The following NRXN3 variants were observed in gnomAD, a reference collection of about 807,000 sequenced individuals.
The protein encoded by NRXN3 is neurexin III.
NRXN3 carries 32 observed loss-of-function variants against 137.6 expected under a neutral mutation model. The ratio of observed to expected loss-of-function variants is 0.23; its 90% CI spans 0.18 to 0.31. NRXN3 has a LOEUF of 0.31. NRXN3 is among the 10% of genes least tolerant of loss of function. The probability of loss-of-function intolerance (pLI) is 1.00; values close to 1 mark genes in which losing one functional copy is unlikely to be tolerated. For synonymous variants in NRXN3, 798 were observed against 784.5 expected (o/e 1.02, Z -0.29); for missense variants, 1,574 against 2,062.5 (o/e 0.76, Z 4.59).
chr14:79,209,459 G>A (rs2153224583), intron 15 of NRXN3, among the ~76,000 whole-genome samples: 1 of 152,246 alleles, frequency 6.6e-6, no homozygotes, highest in East Asian at 1.9e-4. Context: ...TAAATTCTGA[G>A]TCATAAGTAA....
At chr14:79,180,956 A>G (rs1379108190) in intron 15 of NRXN3, among the ~76,000 whole-genome samples, 1 of 152,034 alleles carries the variant, frequency 6.6e-6, no homozygotes. Context: ...TCAGTCCAAA[A>G]AAGATAGAAA....
intron 10 of NRXN3, among the ~76,000 whole-genome samples, chr14:78,939,910 A>G (rs2099349744): frequency 1.3e-5 from 2 of 152,210 alleles, no homozygotes. Flanking sequence ...GCTTTAATCC[A>G]TTCTATAAGT....
intron 4 of NRXN3, among the ~76,000 whole-genome samples, chr14:78,449,954 A>G (rs898036610): frequency 6.6e-6 from 1 of 152,190 alleles, no homozygotes; most frequent in African/African-American, 2.4e-5. Context: ...ACCATTGGCT[A>G]TCTGTCTACC....
chr14:79,444,928 C>T (rs571892277), intron 15 of NRXN3, among the ~76,000 whole-genome samples: 1 of 152,324 alleles, frequency 6.6e-6, no homozygotes, highest in East Asian at 1.9e-4. Flanking sequence ...CTATGTGTCT[C>T]AGGTTTACCT....
chr14:79,774,030 A>C (rs1349610971), intron 19 of NRXN3, among the ~76,000 whole-genome samples: 1 of 152,166 alleles, frequency 6.6e-6, no homozygotes, highest in Non-Finnish European at 1.5e-5. Flanking sequence ...GGGTAGATAC[A>C]AAAGAACCCT....
intron 1 of NRXN3, among the ~76,000 whole-genome samples, chr14:78,198,031 C>T (rs2061376023): frequency 6.6e-6 from 1 of 152,164 alleles, no homozygotes. Flanking sequence ...GATCTTTGCC[C>T]ATCTTGGAAA....
intron 16 of NRXN3, among the ~76,000 whole-genome samples, chr14:79,496,150 CAAAAG>C (rs143176014): frequency 0.014 from 2,194 of 151,558 alleles, 93 homozygotes; most frequent in East Asian, 0.12. Flanking sequence ...TTTCTGCTGA[CAAAAG>C]AAAGGGAAAG....
At chr14:79,302,835 T>C (rs1299857946) in intron 15 of NRXN3, among the ~76,000 whole-genome samples, 1 of 151,968 alleles carries the variant, frequency 6.6e-6, no homozygotes, top group Non-Finnish European at 1.5e-5. Flanking sequence ...GAGTCAATTA[T>C]ACCTCATTTC....
At position 79,354,020 on chromosome 14, in the gene NRXN3, T is replaced by A. The variant is rs866433102; in HGVS notation, c.3263-113201T>A. On this transcript the variant is annotated intron_variant, in intron 15 of 20. Transcript: ENST00000335750. ...TTTCTATAACAGCTACGACATCTTT[T>A]GTCAACACTCAGGCTGATTAAATTG... Among the ~76,000 whole-genome samples, 55 of 152,124 alleles carry A rather than the reference T, an allele frequency of 3.6e-4. 1 individual carries two copies. The highest frequency in any genetic ancestry group is 1.2e-3 in the African/African-American group (49 of 41,448).
At chr14:79,423,204 G>T (rs760521841) in intron 15 of NRXN3, among the ~76,000 whole-genome samples, 2 of 152,100 alleles carry the variant, frequency 1.3e-5, no homozygotes, top group African/African-American at 4.8e-5. Context: ...GCTCTCCCAT[G>T]TGTAGCAAAC....
intron 4 of NRXN3, among the ~76,000 whole-genome samples, chr14:78,446,255 C>A (rs991574365): frequency 1.4e-4 from 22 of 151,954 alleles, no homozygotes; most frequent in Non-Finnish European, 2.9e-4. Flanking sequence ...CTTTTTTCCC[C>A]AAATTTTATT....
At chr14:78,615,029 G>A (rs868068167) in intron 4 of NRXN3, 12 of 456,550 alleles carry the variant, frequency 2.6e-5, no homozygotes, top group Admixed American at 4.7e-5. Context: ...GGATCTTGAC[G>A]AAGGTAGGGA....
chr14:78,417,844 C>T (rs1411366006), intron 4 of NRXN3, among the ~76,000 whole-genome samples: 1 of 152,196 alleles, frequency 6.6e-6, no homozygotes, highest in East Asian at 1.9e-4. Flanking sequence ...GCAACCTGCA[C>T]CTCCTGGGTT....
At chr14:79,594,131 T>C (rs1016314227) in intron 16 of NRXN3, among the ~76,000 whole-genome samples, 12 of 152,238 alleles carry the variant, frequency 7.9e-5, no homozygotes, top group Admixed American at 7.2e-4. Flanking sequence ...AATTAGGTTG[T>C]ATTCGTACCA....
intron 4 of NRXN3, among the ~76,000 whole-genome samples, chr14:78,317,256 A>T (rs976964844): frequency 2.6e-5 from 4 of 152,002 alleles, no homozygotes; most frequent in Non-Finnish European, 5.9e-5. Flanking sequence ...GGAGTCTCCA[A>T]CCCCCAGGCT....
chr14:78,287,363 C>T (rs1454150128), intron 3 of NRXN3, among the ~76,000 whole-genome samples: 1 of 152,184 alleles, frequency 6.6e-6, no homozygotes, highest in Admixed American at 6.5e-5. Context: ...TTATCTGCTA[C>T]CGTGGGCACT....
chr14:78,977,941 G>T (rs2099474234), intron 14 of NRXN3, among the ~76,000 whole-genome samples: 1 of 152,160 alleles, frequency 6.6e-6, no homozygotes, highest in East Asian at 1.9e-4. Flanking sequence ...ATTTACTAGT[G>T]ATATATCACC....
intron 16 of NRXN3, among the ~76,000 whole-genome samples, chr14:79,662,651 T>C (rs971539617): frequency 1.3e-5 from 2 of 152,044 alleles, no homozygotes; most frequent in Non-Finnish European, 2.9e-5. Flanking sequence ...TTCTGCAGGA[T>C]GTATAGGAAG....
intron 15 of NRXN3, among the ~76,000 whole-genome samples, chr14:79,317,962 A>T (rs909191970): frequency 6.6e-6 from 1 of 152,202 alleles, no homozygotes; most frequent in African/African-American, 2.4e-5. Flanking sequence ...AGAGCATGAA[A>T]TATTAATGAC....
Sources: allele counts gnomAD v4.1 joint callset (sites outside exome capture counted in the v4.1 genomes callset), GRCh38; gene constraint gnomAD v4.1.1; transcripts MANE v1.5; gene names NCBI Gene and HGNC (gene_info 2026-07-23, HGNC 2026-07-21).